Variants in SEMA5A observed in about 807,000 individuals in gnomAD.
The protein encoded by SEMA5A is semaphorin 5A.
Under a neutral mutation model 135.5 loss-of-function variants are expected in SEMA5A, and 55 were observed. The ratio of observed to expected loss-of-function variants is 0.41; its 90% CI spans 0.33 to 0.51. The LOEUF (loss-of-function observed/expected upper bound fraction) is 0.51, where lower values mean the gene tolerates loss of function less well. Ranked by LOEUF, SEMA5A falls within the 20% of genes least tolerant of loss-of-function variation. The pLI is 0.37. For missense variants in SEMA5A, 1,290 were observed against 1,419.9 expected (o/e 0.91, Z 1.47); for synonymous variants, 580 against 546.5 (o/e 1.06, Z -0.85).
At chr5:9,449,783 A>G (rs1450658244) in intron 1 of SEMA5A, among the ~76,000 whole-genome samples, 1 of 152,162 alleles carries the variant, frequency 6.6e-6, no homozygotes, top group Non-Finnish European at 1.5e-5. Context: ...CACACACAGA[A>G]GGTGCCTGGG....
At position 9,131,651 on chromosome 5, in the gene SEMA5A, AAAAAAAAC is replaced by A. The variant is rs1741438195; in HGVS notation, c.1599+4845_1599+4852del. Among the ~76,000 whole-genome samples, 16 of 50,956 alleles carry A rather than the reference AAAAAAAAC, an allele frequency of 3.1e-4. 6 individuals carry two copies. The highest frequency in any genetic ancestry group is 2.3e-3 in the Admixed American group (10 of 4,260). The allele number at this position is 50,956 out of a possible 152,430, so 33.4% of individuals were successfully genotyped here. On this transcript the variant is annotated intron_variant, in intron 13 of 22. Coordinates refer to ENST00000382496, the MANE Select transcript of SEMA5A (RefSeq NM_003966.3). ...AAAAAAAAAAAAAAAAAAAAAAAAA[AAAAAAAAC>A]CTGTCATGTGAGCAATAGAGCAAGA...
At chr5:9,292,613 ACAAT>A (rs758735333) in intron 5 of SEMA5A, among the ~76,000 whole-genome samples, 13 of 152,210 alleles carry the variant, frequency 8.5e-5, no homozygotes, top group Admixed American at 2.0e-4. Context: ...CCAAGTTTAA[ACAAT>A]CAATTTTCAT....
At chr5:9,056,878 T>C (rs1288989534) in intron 18 of SEMA5A, among the ~76,000 whole-genome samples, 1 of 152,182 alleles carries the variant, frequency 6.6e-6, no homozygotes, top group African/African-American at 2.4e-5. Flanking sequence ...ACAACCTAAA[T>C]GTCCATCAAG....
intron 1 of SEMA5A, among the ~76,000 whole-genome samples, chr5:9,486,275 G>A (rs1193958372): frequency 1.3e-5 from 2 of 152,134 alleles, no homozygotes; most frequent in African/African-American, 4.8e-5. Context: ...CTGTTGAGTG[G>A]GGTGGATTGT....
chr5:9,148,492 G>T (rs933079459), intron 12 of SEMA5A, among the ~76,000 whole-genome samples: 2 of 152,144 alleles, frequency 1.3e-5, no homozygotes, highest in African/African-American at 4.8e-5. Flanking sequence ...AGGATTATGA[G>T]GAACTGCTGC....
At chr5:9,196,507 C>T (rs143857730) in intron 10 of SEMA5A, among the ~76,000 whole-genome samples, 2 of 152,310 alleles carry the variant, frequency 1.3e-5, no homozygotes, top group South Asian at 2.1e-4. Flanking sequence ...GCTACCCAGT[C>T]GGTGGTGTTT....
chr5:9,331,042 C>T (rs984019366), intron 4 of SEMA5A, among the ~76,000 whole-genome samples: 4 of 152,150 alleles, frequency 2.6e-5, no homozygotes, highest in Non-Finnish European at 5.9e-5. Context: ...GATTTCATAC[C>T]GCTCAGCATG....
At chr5:9,423,072 G>A (rs1757525652) in intron 2 of SEMA5A, among the ~76,000 whole-genome samples, 1 of 152,090 alleles carries the variant, frequency 6.6e-6, no homozygotes, top group South Asian at 2.1e-4. Flanking sequence ...TTCATTAAAG[G>A]GTGTATTAGC....
chr5:9,530,959 T>G lies in SEMA5A; in HGVS notation c.-175+14625A>C, dbSNP rs543050044. Among the ~76,000 whole-genome samples, 3 of 152,356 alleles carry G rather than the reference T, an allele frequency of 2.0e-5. No individual in the cohort carries two copies. The East Asian group carries it at 5.8e-4, about 29-fold the overall frequency. ...ATTACCTGACTGCTCTAGCTCCAAG[T>G]ACCCTCTTCACATCTTGAGGCTTTT... On this transcript the variant is annotated intron_variant, in intron 1 of 22. Transcript: ENST00000382496.
chr5:9,457,245 G>C (rs1758872545), intron 1 of SEMA5A, among the ~76,000 whole-genome samples: 1 of 152,188 alleles, frequency 6.6e-6, no homozygotes, highest in African/African-American at 2.4e-5. Flanking sequence ...TCTCCTTGAA[G>C]AGGACTTCTC....
At chr5:9,456,626 C>T (rs964454425) in intron 1 of SEMA5A, among the ~76,000 whole-genome samples, 2 of 152,108 alleles carry the variant, frequency 1.3e-5, no homozygotes, top group Non-Finnish European at 2.9e-5. Context: ...CCCCAAACCA[C>T]AAAGGGGCTG....
intron 1 of SEMA5A, among the ~76,000 whole-genome samples, chr5:9,534,800 C>G (rs113121586): frequency 0.012 from 1,867 of 152,300 alleles, 43 homozygotes; most frequent in African/African-American, 0.043. Context: ...AGTCAGTCTT[C>G]TCCTCTAGCC....
intron 5 of SEMA5A, among the ~76,000 whole-genome samples, chr5:9,275,885 G>C (rs1307532012): frequency 1.3e-5 from 2 of 150,162 alleles, no homozygotes; most frequent in African/African-American, 4.9e-5. Context: ...ATACTGAATG[G>C]GCGAAAAACT....
chr5:9,222,861 G>C (rs1244863239), intron 8 of SEMA5A, among the ~76,000 whole-genome samples: 1 of 152,224 alleles, frequency 6.6e-6, no homozygotes, highest in Non-Finnish European at 1.5e-5. Flanking sequence ...TAAGAAGGCA[G>C]CTAGTGTTTG....
At chr5:9,484,911 C>T (rs1001685880) in intron 1 of SEMA5A, among the ~76,000 whole-genome samples, 1 of 152,100 alleles carries the variant, frequency 6.6e-6, no homozygotes, top group Non-Finnish European at 1.5e-5. Context: ...CCAACAGACA[C>T]CCATGAGTGG....
At chr5:9,157,813 G>C (rs1743038051) in intron 11 of SEMA5A, among the ~76,000 whole-genome samples, 1 of 152,232 alleles carries the variant, frequency 6.6e-6, no homozygotes, top group African/African-American at 2.4e-5. Context: ...CAGAAAGACA[G>C]AGATGGCCCT....
At chr5:9,136,366 A>G in intron 13 of SEMA5A, 138 bp downstream of exon 13, 1 of 663,320 alleles carries the variant, frequency 1.5e-6, no homozygotes, top group Non-Finnish European at 2.7e-6. Flanking sequence ...GAGTGATCTG[A>G]GAGAGCACAG....
chr5:9,121,276 AG>A (rs1740799584), intron 14 of SEMA5A, among the ~76,000 whole-genome samples: 1 of 152,234 alleles, frequency 6.6e-6, no homozygotes, highest in Non-Finnish European at 1.5e-5. Flanking sequence ...AGGCAGACAC[AG>A]TGACCAAACA....
At chr5:9,305,140 C>G (rs1751798945) in intron 5 of SEMA5A, among the ~76,000 whole-genome samples, 1 of 151,956 alleles carries the variant, frequency 6.6e-6, no homozygotes, top group Admixed American at 6.6e-5. Flanking sequence ...TGTATTGGAG[C>G]CTCTATTTCC....
Sources: gnomAD v4.1 joint callset for allele counts (sites outside exome capture counted in the v4.1 genomes callset) on GRCh38, gnomAD v4.1.1 for gene constraint, MANE v1.5 for transcripts, NCBI Gene and HGNC (gene_info 2026-07-23, HGNC 2026-07-21) for gene names.